Variants in CALN1 observed in about 807,000 individuals in gnomAD.
The protein encoded by CALN1 is calneuron 1.
In CALN1, 17 loss-of-function variants were observed where a neutral mutation model predicts 30.6. The ratio of observed to expected loss-of-function variants is 0.56; its 90% confidence interval spans 0.38 to 0.83. CALN1 has a LOEUF of 0.83. Among genes scored for constraint, CALN1 ranks in the 40% least tolerant of loss-of-function variants. CALN1 has a pLI of 0.00. For missense variants in CALN1, 291 were observed against 354.9 expected (o/e 0.82, Z 1.45); for synonymous variants, 156 against 131.4 (o/e 1.19, Z -1.28).
At chr7:72,383,703 G>A (rs1368961860) in intron 2 of CALN1, among the ~76,000 whole-genome samples, 4 of 152,142 alleles carry the variant, frequency 2.6e-5, no homozygotes, top group Non-Finnish European at 4.4e-5. Context: ...TTACAATGAC[G>A]AAGAGAAACG....
At chr7:72,232,325 A>G (rs1256362004) in intron 3 of CALN1, among the ~76,000 whole-genome samples, 1 of 152,242 alleles carries the variant, frequency 6.6e-6, no homozygotes, top group African/African-American at 2.4e-5. Flanking sequence ...CTAATTGAAC[A>G]ACTGCATTGT....
chr7:71,818,582 C>A (rs1788399238), intron 5 of CALN1, among the ~76,000 whole-genome samples: 1 of 152,112 alleles, frequency 6.6e-6, no homozygotes, highest in Non-Finnish European at 1.5e-5. Context: ...GTTGCCCAGG[C>A]TGGACTTGAA....
chr7:71,916,455 G>A (rs1794692285), intron 5 of CALN1, among the ~76,000 whole-genome samples: 1 of 152,054 alleles, frequency 6.6e-6, no homozygotes, highest in South Asian at 2.1e-4. Context: ...TAAAGAAAAT[G>A]TGGTACACAT....
At chr7:72,101,043 A>C (rs1806625540) in intron 4 of CALN1, among the ~76,000 whole-genome samples, 1 of 151,810 alleles carries the variant, frequency 6.6e-6, no homozygotes, top group African/African-American at 2.4e-5. Flanking sequence ...AGCTTACTGC[A>C]ACCTCTGCCT....
intron 3 of CALN1, among the ~76,000 whole-genome samples, chr7:72,265,457 C>T (rs1796539507): frequency 6.6e-6 from 1 of 152,098 alleles, no homozygotes; most frequent in African/African-American, 2.4e-5. Flanking sequence ...AAGCCAACAT[C>T]GGAATGATGG....
the CALN1 span, among the ~76,000 whole-genome samples, chr7:72,477,201 A>T: frequency 6.6e-6 from 1 of 151,060 alleles, no homozygotes; most frequent in Non-Finnish European, 1.5e-5. Flanking sequence ...ACAGAGCAAG[A>T]CTGTCTCAAC....
chr7:72,295,374 A>C (rs1798780905), intron 2 of CALN1, among the ~76,000 whole-genome samples: 1 of 152,188 alleles, frequency 6.6e-6, no homozygotes, highest in South Asian at 2.1e-4. Context: ...ATGAACTTTA[A>C]AGTAGTTTTT....
intron 5 of CALN1, among the ~76,000 whole-genome samples, chr7:71,946,367 C>CTTTTTTTTT (rs34207419): frequency 7.8e-6 from 1 of 128,660 alleles, no homozygotes; most frequent in Non-Finnish European, 1.6e-5. Context: ...TTCTTTCTTT[C>CTTTTTTTTT]TTTTTTTTTT....
chr7:72,328,663 T>C (rs936965241), intron 2 of CALN1, among the ~76,000 whole-genome samples: 1 of 152,182 alleles, frequency 6.6e-6, no homozygotes, highest in Non-Finnish European at 1.5e-5. Context: ...CTCCCAACAT[T>C]CTATTCAAGG....
chr7:72,289,652 CCA>C lies in CALN1; in HGVS notation c.120-10844_120-10843del, dbSNP rs747903018. On this transcript the variant is annotated intron_variant, in intron 2 of 6. Transcript: ENST00000395275. ...AGCATACCACCATGAAGTATCTCCACCACACACACACAATAGGCTAAATTAAC... is the reference window on the plus strand; with the variant it reads ...AGCATACCACCATGAAGTATCTCCACCACACACACAATAGGCTAAATTAAC... Among the ~76,000 whole-genome samples the C allele has an allele frequency of 2.0e-5, 3 of 152,012 alleles. No homozygotes were observed. The East Asian group carries it at 5.8e-4, about 29-fold the overall frequency.
chr7:72,086,963 T>A (rs536342240), intron 4 of CALN1, among the ~76,000 whole-genome samples: 2 of 152,244 alleles, frequency 1.3e-5, no homozygotes, highest in South Asian at 4.1e-4. Context: ...ATTACATGAT[T>A]ATCTCAATAG....
chr7:72,134,682 T>C (rs751608379), intron 3 of CALN1, among the ~76,000 whole-genome samples: 7 of 152,250 alleles, frequency 4.6e-5, no homozygotes, highest in Non-Finnish European at 8.8e-5. Flanking sequence ...TAAATGCTGA[T>C]GGCTGCTGAC....
At chr7:72,208,798 CT>C (rs1792083762) in intron 3 of CALN1, among the ~76,000 whole-genome samples, 1 of 152,152 alleles carries the variant, frequency 6.6e-6, no homozygotes, top group South Asian at 2.1e-4. Context: ...CATTTTGTTC[CT>C]TTTACCTAAA....
At chr7:72,075,186 A>G (rs953729070) in intron 4 of CALN1, among the ~76,000 whole-genome samples, 2 of 152,324 alleles carry the variant, frequency 1.3e-5, no homozygotes, top group Non-Finnish European at 2.9e-5. Context: ...TCAGTTCAGA[A>G]CTTCAACTGG....
At chr7:72,503,017 G>A in the CALN1 span, among the ~76,000 whole-genome samples, 1 of 152,106 alleles carries the variant, frequency 6.6e-6, no homozygotes, top group East Asian at 1.9e-4. Context: ...GCCAGACATG[G>A]TGGCTATAAT....
At chr7:71,864,848 A>G (rs1182194075) in intron 5 of CALN1, among the ~76,000 whole-genome samples, 1 of 152,138 alleles carries the variant, frequency 6.6e-6, no homozygotes, top group African/African-American at 2.4e-5. Context: ...CAAAAAACTT[A>G]TAAATTAGCC....
intron 2 of CALN1, among the ~76,000 whole-genome samples, chr7:72,362,735 TC>T (rs990027698): frequency 3.9e-5 from 6 of 152,044 alleles, no homozygotes; most frequent in African/African-American, 1.4e-4. Context: ...CTGGGGACTC[TC>T]CCCCTCCTGC....
chr7:72,314,217 T>C (rs1345175062), intron 2 of CALN1, among the ~76,000 whole-genome samples: 1 of 152,170 alleles, frequency 6.6e-6, no homozygotes, highest in East Asian at 1.9e-4. Context: ...TTCCAGCAGC[T>C]GAGCCTACGC....
chr7:72,150,799 T>C (rs965589318), intron 3 of CALN1, among the ~76,000 whole-genome samples: 2 of 152,190 alleles, frequency 1.3e-5, no homozygotes, highest in Admixed American at 6.5e-5. Flanking sequence ...GTTTAAGGAC[T>C]CAGTAATGTA....
Sources: allele counts gnomAD v4.1 joint callset (sites outside exome capture counted in the v4.1 genomes callset), GRCh38; gene constraint gnomAD v4.1.1; transcripts MANE v1.5; gene names NCBI Gene and HGNC (gene_info 2026-07-23, HGNC 2026-07-21).